Variants in IMMP2L observed in about 807,000 individuals in gnomAD.
IMMP2L encodes mitochondrial inner membrane protease subunit 2.
A neutral mutation model predicts 19.3 loss-of-function variants in IMMP2L; 18 were observed. The ratio of observed to expected loss-of-function variants is 0.93; its 90% CI spans 0.64 to 1.38. The LOEUF is 1.38. Among genes scored for constraint, IMMP2L ranks in the 40% most tolerant of loss-of-function variants. IMMP2L has a pLI of 0.00. For synonymous variants in IMMP2L, 76 were observed against 73.0 expected, an observed-to-expected ratio of 1.04 and a Z score of -0.21; for missense variants, 233 against 218.2, an observed-to-expected ratio of 1.07 and a Z score of -0.43.
chr7:110,699,269 A>G (rs1794091532), intron 5 of IMMP2L, among the ~76,000 whole-genome samples: 1 of 152,108 alleles, frequency 6.6e-6, no homozygotes, highest in African/African-American at 2.4e-5. Context: ...CTAAGTACCT[A>G]TCCTTTCTAA....
intron 3 of IMMP2L, among the ~76,000 whole-genome samples, chr7:111,135,941 C>T (rs1022579976): frequency 3.9e-5 from 6 of 152,116 alleles, no homozygotes; most frequent in Non-Finnish European, 5.9e-5. Flanking sequence ...CTGTTATCCT[C>T]CTACAGCCCT....
At chr7:111,558,065 AT>A (rs2133175192) in intron 1 of IMMP2L, among the ~76,000 whole-genome samples, 1 of 152,296 alleles carries the variant, frequency 6.6e-6, no homozygotes, top group South Asian at 2.1e-4. Flanking sequence ...AAAAAAACTT[AT>A]TATTGGACTA....
intron 3 of IMMP2L, among the ~76,000 whole-genome samples, chr7:111,064,986 G>A (rs899438134): frequency 1.3e-5 from 2 of 152,134 alleles, no homozygotes; most frequent in Non-Finnish European, 2.9e-5. Flanking sequence ...TGAAGGTTTA[G>A]GTCACTCCAC....
At chr7:111,385,849 T>G (rs1831689960) in intron 3 of IMMP2L, among the ~76,000 whole-genome samples, 1 of 152,114 alleles carries the variant, frequency 6.6e-6, no homozygotes, top group Non-Finnish European at 1.5e-5. Flanking sequence ...TACCCTCTAC[T>G]AATCAGAAAT....
chr7:111,109,182 T>C (rs915143474), intron 3 of IMMP2L, among the ~76,000 whole-genome samples: 13 of 152,130 alleles, frequency 8.5e-5, no homozygotes, highest in African/African-American at 3.1e-4. Flanking sequence ...ATCTAGAATG[T>C]GTAAAACATT....
intron 4 of IMMP2L, among the ~76,000 whole-genome samples, chr7:110,952,772 C>A (rs891884130): frequency 6.6e-6 from 1 of 151,946 alleles, no homozygotes; most frequent in African/African-American, 2.4e-5. Context: ...TTATTTTAGC[C>A]CATGGACTAC....
chr7:110,953,981 G>A (rs1460450927), intron 4 of IMMP2L, among the ~76,000 whole-genome samples: 2 of 152,084 alleles, frequency 1.3e-5, no homozygotes, highest in Non-Finnish European at 2.9e-5. Flanking sequence ...AGAAGTGTCT[G>A]TTCATATCCT....
chr7:111,317,811 A>C (rs2130429829), intron 3 of IMMP2L, among the ~76,000 whole-genome samples: 1 of 152,276 alleles, frequency 6.6e-6, no homozygotes, highest in East Asian at 1.9e-4. Context: ...AGCTTTTCAA[A>C]GTCTGTGAAT....
intron 5 of IMMP2L, among the ~76,000 whole-genome samples, chr7:110,753,919 C>A (rs1797888782): frequency 6.6e-6 from 1 of 151,870 alleles, no homozygotes; most frequent in African/African-American, 2.4e-5. Flanking sequence ...CAAATGGGGG[C>A]CCAGCTATCT....
intron 4 of IMMP2L, among the ~76,000 whole-genome samples, chr7:110,896,952 G>A (rs968960617): frequency 1.3e-5 from 2 of 151,896 alleles, no homozygotes; most frequent in Admixed American, 1.3e-4. Context: ...TGCGAGGACT[G>A]CAGGCATGTG....
At chr7:111,540,753 T>C (rs1848439567) in intron 1 of IMMP2L, among the ~76,000 whole-genome samples, 1 of 152,230 alleles carries the variant, frequency 6.6e-6, no homozygotes, top group Middle Eastern at 3.2e-3. Context: ...CATTTGCAGA[T>C]GCTAAATAAA....
chr7:111,364,539 A>G (rs1332539905), intron 3 of IMMP2L, among the ~76,000 whole-genome samples: 1 of 151,634 alleles, frequency 6.6e-6, no homozygotes, highest in Non-Finnish European at 1.5e-5. Context: ...GCAGGCTGAG[A>G]CACAAGAATC....
At chr7:110,750,619 A>G (rs1489582988) in intron 5 of IMMP2L, among the ~76,000 whole-genome samples, 1 of 152,132 alleles carries the variant, frequency 6.6e-6, no homozygotes, top group African/African-American at 2.4e-5. Context: ...ATCAAGATAA[A>G]TAAGAAAAAC....
intron 3 of IMMP2L, among the ~76,000 whole-genome samples, chr7:111,182,484 G>T (rs1011214099): frequency 6.6e-6 from 1 of 151,896 alleles, no homozygotes; most frequent in African/African-American, 2.4e-5. Flanking sequence ...GAAATCTCAA[G>T]AAAGCACTCA....
intron 1 of IMMP2L, among the ~76,000 whole-genome samples, chr7:111,552,989 G>C (rs1312140904): frequency 6.6e-6 from 1 of 152,112 alleles, no homozygotes; most frequent in African/African-American, 2.4e-5. Context: ...CCTTGGAAGT[G>C]AATCTTTTAG....
chr7:111,386,047 ATT>A (rs1219004864), intron 3 of IMMP2L, among the ~76,000 whole-genome samples: 1 of 146,256 alleles, frequency 6.8e-6, no homozygotes, highest in Non-Finnish European at 1.5e-5. Flanking sequence ...CTCCCAGCTA[ATT>A]TTTTTTTTTT....
At chr7:110,946,109 G>A (rs1319318448) in intron 4 of IMMP2L, among the ~76,000 whole-genome samples, 1 of 152,192 alleles carries the variant, frequency 6.6e-6, no homozygotes, top group Non-Finnish European at 1.5e-5. Context: ...ATTTCAGCAT[G>A]CATCAGAATC....
chr7:111,266,535 T>C (rs1419715954), intron 3 of IMMP2L, among the ~76,000 whole-genome samples: 1 of 141,102 alleles, frequency 7.1e-6, no homozygotes, highest in Non-Finnish European at 1.5e-5. Context: ...AGAGCAAGAC[T>C]ATGTCTCCCA....
chr7:111,289,537 G>C (rs1167809910), intron 3 of IMMP2L, among the ~76,000 whole-genome samples: 2 of 151,896 alleles, frequency 1.3e-5, no homozygotes, highest in African/African-American at 2.4e-5. Context: ...AACTGAACCT[G>C]GACCTGAAAT....
Sources: gnomAD v4.1 joint callset for allele counts (sites outside exome capture counted in the v4.1 genomes callset) on GRCh38, gnomAD v4.1.1 for gene constraint, MANE v1.5 for transcripts, NCBI Gene and HGNC (gene_info 2026-07-23, HGNC 2026-07-21) for gene names.